The following PLPPR5 variants were observed in gnomAD, a reference collection of about 807,000 sequenced individuals.
The protein encoded by PLPPR5 is phospholipid phosphatase related 5.
PLPPR5 carries 16 observed loss-of-function variants against 33.9 expected under a neutral mutation model. The ratio of observed to expected loss-of-function variants is 0.47; its 90% CI spans 0.32 to 0.72. PLPPR5 has a LOEUF of 0.72. Among genes scored for constraint, PLPPR5 ranks in the 30% least tolerant of loss-of-function variants. The pLI is 0.03. For missense variants in PLPPR5, 301 were observed against 406.7 expected (o/e 0.74, Z 2.23); for synonymous variants, 163 against 150.3 (o/e 1.08, Z -0.62).
intron 3 of PLPPR5, among the ~76,000 whole-genome samples, chr1:98,936,639 T>C (rs561118259): frequency 6.6e-6 from 1 of 152,342 alleles, no homozygotes; most frequent in African/African-American, 2.4e-5. Flanking sequence ...TGGGGTCTTC[T>C]ATAAATGCCA....
intron 1 of PLPPR5, among the ~76,000 whole-genome samples, chr1:98,976,683 TA>T (rs1651871803): frequency 1.3e-5 from 2 of 152,024 alleles, no homozygotes; most frequent in South Asian, 4.1e-4. Flanking sequence ...TTCGAAGACT[TA>T]GTACAAAAAC....
intron 5 of PLPPR5, among the ~76,000 whole-genome samples, chr1:98,907,304 C>A (rs909991460): frequency 1.3e-5 from 2 of 150,148 alleles, no homozygotes; most frequent in African/African-American, 4.9e-5. Context: ...CAGGTTCAAG[C>A]GATTCTCCTG....
chr1:98,954,519 TTCCAG>T (rs1650932598), intron 2 of PLPPR5, among the ~76,000 whole-genome samples: 1 of 152,150 alleles, frequency 6.6e-6, no homozygotes, highest in African/African-American at 2.4e-5. Context: ...TCAAATAATT[TTCCAG>T]TATTAGATGC....
chr1:98,900,809 G>A (rs1025316631), intron 5 of PLPPR5, among the ~76,000 whole-genome samples: 2 of 152,150 alleles, frequency 1.3e-5, no homozygotes, highest in South Asian at 2.1e-4. Flanking sequence ...TTAAAAACTT[G>A]CTTATTTTCA....
intron 1 of PLPPR5, among the ~76,000 whole-genome samples, chr1:98,978,344 T>G (rs1029491223): frequency 1.3e-5 from 2 of 152,108 alleles, no homozygotes; most frequent in Non-Finnish European, 2.9e-5. Flanking sequence ...CATAGAATTT[T>G]TATCCCATCT....
chr1:98,960,456 T>C (rs950299014), intron 1 of PLPPR5, among the ~76,000 whole-genome samples: 2 of 152,152 alleles, frequency 1.3e-5, no homozygotes, highest in African/African-American at 4.8e-5. Context: ...CACCCGCGTC[T>C]GCCTCCCGAC....
chr1:98,964,868 A>G (rs1651375188), intron 1 of PLPPR5, among the ~76,000 whole-genome samples: 1 of 152,054 alleles, frequency 6.6e-6, no homozygotes, highest in Admixed American at 6.6e-5. Flanking sequence ...CCATGGTGCA[A>G]TCACAGCTCA....
At chr1:99,004,410 C>A in intron 1 of PLPPR5, 25 bp downstream of exon 1, 1 of 1,562,424 alleles carries the variant, frequency 6.4e-7, no homozygotes. Flanking sequence ...GACTCGGCGA[C>A]GAGGGCGAGC....
chr1:98,893,979 C>T (rs1648378556), intron 5 of PLPPR5, among the ~76,000 whole-genome samples: 1 of 151,864 alleles, frequency 6.6e-6, no homozygotes, highest in Admixed American at 6.6e-5. Context: ...ATGTTCTCAA[C>T]ATACATATAG....
rs139766306 is a variant in PLPPR5, at chr1:98,956,902, G to C, written c.238-161C>G. On this transcript the variant is annotated intron_variant, in intron 1 of 5. Coordinates refer to ENST00000263177, the MANE Select transcript of PLPPR5 (RefSeq NM_001037317.2). ...TCCTAGATCCTTTGATTATAGCCTT[G>C]TCCGTATGTATGTAAACCATATTTT... 2.6e-3 allele frequency among the ~76,000 whole-genome samples: 397 copies of C among 152,120 alleles called. 3 individuals are homozygous for C. The highest frequency in any genetic ancestry group is 9.3e-3 in the African/African-American group (385 of 41,490).
intron 1 of PLPPR5, among the ~76,000 whole-genome samples, chr1:98,994,965 A>G (rs1324884911): frequency 1.3e-5 from 2 of 152,164 alleles, no homozygotes; most frequent in Non-Finnish European, 2.9e-5. Context: ...ACCATCTCAC[A>G]TCAGTCAGAA....
At chr1:98,999,622 G>A (rs915305619) in intron 1 of PLPPR5, among the ~76,000 whole-genome samples, 5 of 152,232 alleles carry the variant, frequency 3.3e-5, no homozygotes, top group Non-Finnish European at 7.3e-5. Context: ...CCACGGGAAT[G>A]TTCCAGGAAT....
In PLPPR5 at chr1:98,956,720, C is replaced by T. The variant is rs1486423513; in HGVS notation, c.259G>A (p.Val87Ile). The T allele has an allele frequency of 6.4e-7, 1 of 1,572,460 alleles. No individual in the cohort carries two copies. The highest frequency in any genetic ancestry group is 2.0e-5 in the Admixed American group (1 of 50,468). ...CTTGTGGCTAGTTGTAGGCAAAAGA[C>T]AGCAGTTTCTCCAACTATTATCTTG... ...VLVIIVGETA[V>I]FCLQLATRDF... The change falls in exon 2 of 6, where the codon GTC becomes ATC. Residue 87 changes from valine to isoleucine, a missense_variant. Coordinates refer to ENST00000263177, the MANE Select transcript of PLPPR5 (RefSeq NM_001037317.2).
At chr1:98,924,755 A>G (rs1051383757) in intron 3 of PLPPR5, among the ~76,000 whole-genome samples, 6 of 152,064 alleles carry the variant, frequency 3.9e-5, no homozygotes, top group African/African-American at 1.4e-4. Flanking sequence ...TGCCCTAATG[A>G]CTCAAGCAAG....
intron 1 of PLPPR5, among the ~76,000 whole-genome samples, chr1:98,988,263 T>A (rs1049532040): frequency 1.3e-5 from 2 of 152,132 alleles, no homozygotes; most frequent in Non-Finnish European, 2.9e-5. Flanking sequence ...AGAGCCTATG[T>A]GGTCAATCTC....
rs758494296 is a variant in PLPPR5 at position 98,890,544 on chromosome 1, G to A, written c.*2528C>T. On this transcript the variant is annotated 3_prime_UTR_variant, in exon 6 of 6. Transcript: ENST00000263177. ...CAGAGACTACCGAAATTTTCAAGTT[G>A]ACTAAATTATACTGACCTGGGCCCC... 1 of 152,472 alleles carries A rather than the reference G, an allele frequency of 6.6e-6. No individual in the cohort carries two copies. Among genetic ancestry groups the A allele is most frequent in the Non-Finnish European group, 1.5e-5 (1 of 67,996 alleles). 9.4% of individuals were successfully genotyped at this position (152,472 alleles called of 1,614,324 possible). A position where few individuals can be genotyped will look rare whatever the true frequency, so the allele number is the denominator to read the frequency against.
intron 1 of PLPPR5, among the ~76,000 whole-genome samples, chr1:98,997,884 A>G (rs1652683851): frequency 6.6e-6 from 1 of 152,218 alleles, no homozygotes; most frequent in East Asian, 1.9e-4. Flanking sequence ...AAATAAGTCA[A>G]TATTTTTCAG....
chr1:98,928,571 A>ATATATATATG (rs1251556217), intron 3 of PLPPR5, among the ~76,000 whole-genome samples: 1 of 142,594 alleles, frequency 7.0e-6, no homozygotes, highest in African/African-American at 2.5e-5. Flanking sequence ...ATATATATAT[A>ATATATATATG]TGGTTCACTT....
At chr1:98,979,187 A>G (rs558396947) in intron 1 of PLPPR5, among the ~76,000 whole-genome samples, 77 of 152,142 alleles carry the variant, frequency 5.1e-4, no homozygotes, top group African/African-American at 1.8e-3. Context: ...TTTTATGTTG[A>G]CTGTAAACTT....
Sources: allele counts gnomAD v4.1 joint callset (sites outside exome capture counted in the v4.1 genomes callset), GRCh38; gene constraint gnomAD v4.1.1; transcripts MANE v1.5; gene names NCBI Gene and HGNC (gene_info 2026-07-23, HGNC 2026-07-21).